Variants in TNFSF10 observed in about 807,000 individuals in gnomAD.
The protein encoded by TNFSF10 is TNF superfamily member 10, also known as tumor necrosis factor ligand superfamily member 10.
TNFSF10 carries 13 observed loss-of-function variants against 29.5 expected under a neutral mutation model. The observed-to-expected ratio is 0.44, with a 90% CI of 0.29 to 0.70. TNFSF10 has a LOEUF of 0.70. TNFSF10 is among the 30% of genes least tolerant of loss of function. The pLI is 0.13. For synonymous variants in TNFSF10, 111 were observed against 112.8 expected (o/e 0.98, Z 0.10); for missense variants, 345 against 330.9 (o/e 1.04, Z -0.33).
intron 1 of TNFSF10, among the ~76,000 whole-genome samples, chr3:172,519,304 C>T (rs574302834): frequency 6.6e-6 from 1 of 152,282 alleles, no homozygotes; most frequent in East Asian, 1.9e-4. Flanking sequence ...TATGAAATTT[C>T]CATTTTTATA....
intron 3 of TNFSF10, among the ~76,000 whole-genome samples, chr3:172,510,380 A>G (rs149931962): frequency 5.5e-4 from 84 of 152,196 alleles, no homozygotes; most frequent in Non-Finnish European, 8.5e-4. Context: ...GTTTGAGGCC[A>G]GGAAGTTGAG....
Position 172,509,337 on chromosome 3 carries a change from T to A in TNFSF10, c.314-16A>T, listed in dbSNP as rs1227327140. 9.3e-6 allele frequency: 15 copies of A among 1,605,868 alleles called. No individual in the cohort carries two copies. The highest frequency in any genetic ancestry group is 1.3e-5 in the Non-Finnish European group (15 of 1,173,772). On this transcript the variant is annotated splice_polypyrimidine_tract_variant and intron_variant, in intron 3 of 4. Transcript: ENST00000241261. ...TGTTGCTTTTCTAAAAGAGAAATGA[T>A]AAAGGGTCATCAACACTTGCCAAAC... is the stretch of plus-strand genomic sequence containing the variant.
chr3:172,506,994 T>C, intron 4 of TNFSF10, 75 bp from the exon 5 acceptor site: 1 of 1,326,434 alleles, frequency 7.5e-7, no homozygotes, highest in Non-Finnish European at 1.0e-6. Flanking sequence ...TTTGCAGCTG[T>C]GGCCAGCCTA....
chr3:172,508,194 C>T (rs753329156), intron 4 of TNFSF10, among the ~76,000 whole-genome samples: 5 of 151,888 alleles, frequency 3.3e-5, no homozygotes, highest in Non-Finnish European at 7.4e-5. Context: ...ACTCGGGAAG[C>T]TGAGGCAGGA....
At chr3:172,516,058 C>A (rs574378371) in intron 1 of TNFSF10, among the ~76,000 whole-genome samples, 2 of 152,082 alleles carry the variant, frequency 1.3e-5, no homozygotes, top group Non-Finnish European at 2.9e-5. Context: ...GTCAGGAGAT[C>A]GAGACCATCC....
At chr3:172,509,513 C>G (rs1577010244) in intron 3 of TNFSF10, among the ~76,000 whole-genome samples, 192 bp from the exon 4 acceptor site, 1 of 152,264 alleles carries the variant, frequency 6.6e-6, no homozygotes, top group East Asian at 1.9e-4. Context: ...TTGAAAAGTA[C>G]TTTACACGGA....
intron 1 of TNFSF10, chr3:172,522,478 A>G (rs1577017190): frequency 8.0e-6 from 10 of 1,248,206 alleles, no homozygotes; most frequent in Non-Finnish European, 1.2e-5. Context: ...AGAATCTCTT[A>G]CTGTGCACCT....
rs1712980896 is a variant in TNFSF10, at chr3:172,506,330, A to AT, written c.*161dup. ...CTTTCAGAACAGTGTGTGTTGTAGA[A>AT]TTTTTTGGTTGTGGCTGCTCTACTC... On this transcript the variant is annotated 3_prime_UTR_variant, in exon 5 of 5. Transcript: ENST00000241261. 2 of 751,818 alleles carry AT rather than the reference A, an allele frequency of 2.7e-6. No individual in the cohort carries two copies. The highest frequency in any genetic ancestry group is 4.2e-6 in the Non-Finnish European group (2 of 481,756). The allele number at this position is 751,818 out of a possible 1,614,324, so 46.6% of individuals were successfully genotyped here. A position where few individuals can be genotyped will look rare whatever the true frequency, so the allele number is the denominator to read the frequency against.
intron 1 of TNFSF10, 133 bp from the exon 2 acceptor site, chr3:172,515,131 A>C (rs1713378726): frequency 2.5e-6 from 3 of 1,193,742 alleles, no homozygotes; most frequent in Non-Finnish European, 3.6e-6. Flanking sequence ...TCCTGTTTGA[A>C]ATAAAAGTAA....
chr3:172,518,716 G>A (rs953714989), intron 1 of TNFSF10, among the ~76,000 whole-genome samples: 2 of 152,178 alleles, frequency 1.3e-5, no homozygotes, highest in African/African-American at 2.4e-5. Context: ...CTTGCAGAGT[G>A]TATCTTCTGC....
At chr3:172,523,132 T>A (rs1577017677) in intron 1 of TNFSF10, 121 bp downstream of exon 1, 1 of 1,244,680 alleles carries the variant, frequency 8.0e-7, no homozygotes, top group East Asian at 2.5e-5. Context: ...GCAGTTAGAG[T>A]GTACCCACAG....
intron 1 of TNFSF10, among the ~76,000 whole-genome samples, chr3:172,519,466 G>C (rs936121746): frequency 6.6e-6 from 1 of 152,194 alleles, no homozygotes; most frequent in Non-Finnish European, 1.5e-5. Context: ...GCTTTACTCT[G>C]TTTATGCTGC....
chr3:172,517,775 AT>A (rs1412580256), intron 1 of TNFSF10: 1 of 982,768 alleles, frequency 1.0e-6, no homozygotes, highest in African/African-American at 1.7e-5. Context: ...CCTGTAGAAA[AT>A]TTGTAAAATA....
chr3:172,518,793 C>G (rs931128938), intron 1 of TNFSF10, among the ~76,000 whole-genome samples: 1 of 152,206 alleles, frequency 6.6e-6, no homozygotes, highest in Non-Finnish European at 1.5e-5. Flanking sequence ...GTTGAATATA[C>G]TTTTCCAAAG....
intron 1 of TNFSF10, among the ~76,000 whole-genome samples, chr3:172,521,375 A>G (rs1262897309): frequency 1.3e-5 from 2 of 152,254 alleles, no homozygotes; most frequent in African/African-American, 2.4e-5. Flanking sequence ...AAAAAACCAC[A>G]TCAAAAAGTG....
rs542077277 is a variant in TNFSF10 at position 172,523,380 on chromosome 3, G to C, written c.5C>G (p.Ala2Gly). 1 of 1,613,386 alleles carries C rather than the reference G, an allele frequency of 6.2e-7. No homozygotes were observed. Among genetic ancestry groups the C allele is most frequent in the African/African-American group, 1.3e-5 (1 of 75,042 alleles). The change falls in exon 1 of 5, where the codon GCT becomes GGT. Residue 2 changes from alanine to glycine, a missense_variant. By Grantham distance (60) the Ala-to-Gly change is moderately conservative. Coordinates refer to ENST00000241261, the MANE Select transcript of TNFSF10 (RefSeq NM_003810.4). M[A>G]MMEVQGGPSL... is the part of the protein sequence containing the mutation. ...GGGTCCCCCCTGGACCTCCATCATA[G>C]CCATGATCCTGTCAGAGTCTGACTG...
intron 3 of TNFSF10, among the ~76,000 whole-genome samples, 172 bp from the exon 4 acceptor site, chr3:172,509,493 T>C (rs1433989055): frequency 1.3e-5 from 2 of 152,208 alleles, no homozygotes; most frequent in Non-Finnish European, 2.9e-5. Context: ...TACCTCAGCT[T>C]ATGATCAACT....
chr3:172,518,932 A>C (rs1418999975), intron 1 of TNFSF10, among the ~76,000 whole-genome samples: 1 of 111,994 alleles, frequency 8.9e-6, no homozygotes, highest in Non-Finnish European at 2.2e-5. Flanking sequence ...TATTGAAAAA[A>C]TGTATTGTAA....
In TNFSF10 at chr3:172,517,417, G is replaced by C. The variant is rs1408863167; in HGVS notation, c.133-2419C>G. On this transcript the variant is annotated intron_variant, in intron 1 of 4. Transcript: ENST00000241261. ...GATGGGAGGTTAACAAGTTAATGTA[G>C]CTACATTATTACCCAGGAGTTTATA... 7.1e-6 allele frequency: 7 copies of C among 985,030 alleles called. No individual in the cohort carries two copies. The African/African-American group carries it at 1.2e-4, about 17-fold the overall frequency. 61.0% of individuals were successfully genotyped at this position (985,030 alleles called of 1,614,324 possible). A position where few individuals can be genotyped will look rare whatever the true frequency, so the allele number is the denominator to read the frequency against.
Sources: gnomAD v4.1 joint callset for allele counts (sites outside exome capture counted in the v4.1 genomes callset) on GRCh38, gnomAD v4.1.1 for gene constraint, MANE v1.5 for transcripts, NCBI Gene and HGNC (gene_info 2026-07-23, HGNC 2026-07-21) for gene names.